SORCS1: variants seen among roughly 807,000 people sequenced by gnomAD.
SORCS1 encodes sortilin related VPS10 domain containing receptor 1.
A neutral mutation model predicts 146.1 loss-of-function variants in SORCS1; 60 were observed. The ratio of observed to expected loss-of-function variants is 0.41; its 90% CI spans 0.33 to 0.51. SORCS1 has a LOEUF of 0.51. Ranked by LOEUF, SORCS1 falls within the 20% of genes least tolerant of loss-of-function variation. SORCS1 has a pLI of 0.21. For synonymous variants in SORCS1, 637 were observed against 584.0 expected, an observed-to-expected ratio of 1.09 and a Z score of -1.31; for missense variants, 1,352 against 1,487.6, an observed-to-expected ratio of 0.91 and a Z score of 1.50.
intron 18 of SORCS1, among the ~76,000 whole-genome samples, chr10:106,643,313 A>C (rs1849193122): frequency 6.6e-6 from 1 of 152,248 alleles, no homozygotes; most frequent in Non-Finnish European, 1.5e-5. Flanking sequence ...TAATCACATT[A>C]TTATCATTGT....
At chr10:106,959,995 T>C (rs1397515541) in intron 1 of SORCS1, among the ~76,000 whole-genome samples, 2 of 152,222 alleles carry the variant, frequency 1.3e-5, no homozygotes, top group Non-Finnish European at 2.9e-5. Flanking sequence ...AAAATGCATA[T>C]GAACATATAT....
chr10:106,949,558 G>C (rs1265597650), intron 2 of SORCS1, among the ~76,000 whole-genome samples: 2 of 152,198 alleles, frequency 1.3e-5, no homozygotes, highest in Non-Finnish European at 2.9e-5. Flanking sequence ...AACTTCTCTT[G>C]ATAATCATGA....
intron 2 of SORCS1, among the ~76,000 whole-genome samples, chr10:106,896,714 T>C (rs982358206): frequency 2.0e-5 from 3 of 151,376 alleles, no homozygotes; most frequent in Non-Finnish European, 4.4e-5. Context: ...CCACTCTCCC[T>C]GGAAACTTTC....
At chr10:106,993,045 T>G (rs908512317) in intron 1 of SORCS1, among the ~76,000 whole-genome samples, 2 of 152,014 alleles carry the variant, frequency 1.3e-5, no homozygotes, top group African/African-American at 4.8e-5. Context: ...TTGGCCAGGA[T>G]GGTCTCTATC....
rs925151415 is a variant in SORCS1 at position 107,141,663 on chromosome 10, G to T, written c.558+22306C>A. 2.6e-5 allele frequency among the ~76,000 whole-genome samples: 4 copies of T among 152,196 alleles called. No homozygotes were observed. The South Asian group carries it at 8.3e-4, about 32-fold the overall frequency. On this transcript the variant is annotated intron_variant, in intron 1 of 25. Transcript: ENST00000263054. Reference sequence around the variant, plus strand: ...GGCAGAGGAATCCCTTGGGTTTCCAGTTAAGGCCCTAATTGGGTCTATTTT... The same window carrying T: ...GGCAGAGGAATCCCTTGGGTTTCCATTTAAGGCCCTAATTGGGTCTATTTT...
chr10:106,947,605 A>G (rs1482820457), intron 2 of SORCS1, among the ~76,000 whole-genome samples: 1 of 152,198 alleles, frequency 6.6e-6, no homozygotes, highest in Non-Finnish European at 1.5e-5. Flanking sequence ...GCACTTTGGG[A>G]GGCCAAGGTG....
chr10:107,107,575 T>G (rs193046607), intron 1 of SORCS1, among the ~76,000 whole-genome samples: 106 of 152,270 alleles, frequency 7.0e-4, no homozygotes, highest in African/African-American at 2.5e-3. Context: ...ATCAGCAAAA[T>G]AGTGGAATAA....
At chr10:107,131,308 C>T (rs796715442) in intron 1 of SORCS1, among the ~76,000 whole-genome samples, 5 of 152,328 alleles carry the variant, frequency 3.3e-5, no homozygotes, top group African/African-American at 9.6e-5. Context: ...TCCTGCTCCT[C>T]CAAGTCTTAC....
At chr10:106,705,046 T>A (rs1854419604) in intron 8 of SORCS1, among the ~76,000 whole-genome samples, 1 of 152,178 alleles carries the variant, frequency 6.6e-6, no homozygotes, top group African/African-American at 2.4e-5. Context: ...AGTGATGTTA[T>A]CCAATTCTCA....
At chr10:106,740,636 C>CA (rs966808990) in intron 5 of SORCS1, among the ~76,000 whole-genome samples, 4 of 152,076 alleles carry the variant, frequency 2.6e-5, no homozygotes, top group African/African-American at 9.7e-5. Context: ...AAAAAAAACC[C>CA]ATTGTTCCCC....
At chr10:107,175,530 C>T in the SORCS1 span, among the ~76,000 whole-genome samples, 1 of 152,242 alleles carries the variant, frequency 6.6e-6, no homozygotes, top group East Asian at 1.9e-4. Flanking sequence ...CTCTGCCTCC[C>T]AGGTTCAAGT....
At chr10:106,971,887 C>A (rs1589823317) in intron 1 of SORCS1, among the ~76,000 whole-genome samples, 1 of 152,104 alleles carries the variant, frequency 6.6e-6, no homozygotes, top group Non-Finnish European at 1.5e-5. Flanking sequence ...TCCTCTGAGA[C>A]TCTCAAAATC....
At chr10:106,869,529 T>G (rs1950332909) in intron 2 of SORCS1, among the ~76,000 whole-genome samples, 1 of 152,224 alleles carries the variant, frequency 6.6e-6, no homozygotes, top group Non-Finnish European at 1.5e-5. Context: ...GATACAAGCT[T>G]GGTTCAACAC....
At chr10:106,670,742 G>C (rs543126312) in intron 16 of SORCS1, among the ~76,000 whole-genome samples, 2 of 148,522 alleles carry the variant, frequency 1.3e-5, no homozygotes, top group South Asian at 4.3e-4. Flanking sequence ...ACGCCATGCT[G>C]GAGTGCAGTG....
intron 24 of SORCS1, among the ~76,000 whole-genome samples, chr10:106,586,064 T>A (rs1418888562): frequency 1.3e-5 from 2 of 152,218 alleles, no homozygotes; most frequent in Non-Finnish European, 2.9e-5. Flanking sequence ...GTTTGTTACA[T>A]AGCAATAGCT....
intron 5 of SORCS1, among the ~76,000 whole-genome samples, chr10:106,735,143 T>A (rs1333048301): frequency 5.5e-5 from 1 of 18,202 alleles, no homozygotes; most frequent in African/African-American, 1.4e-4. Context: ...CGAGACTCCA[T>A]CTCAAAAAAA....
chr10:107,170,313 GTT>G, the SORCS1 span, among the ~76,000 whole-genome samples: 3 of 152,100 alleles, frequency 2.0e-5, no homozygotes, highest in Non-Finnish European at 4.4e-5. Context: ...AATAAACTCA[GTT>G]TATTTTAAAC....
intron 2 of SORCS1, among the ~76,000 whole-genome samples, chr10:106,952,560 T>TATTAC (rs1954737699): frequency 6.8e-6 from 1 of 147,686 alleles, no homozygotes; most frequent in African/African-American, 2.5e-5. Context: ...TATTATATTA[T>TATTAC]ATTATATTAT....
rs201361868 is a variant in SORCS1, at chr10:106,841,105, C to T, written c.627-11432G>A. Among the ~76,000 whole-genome samples the T allele has an allele frequency of 5.9e-5, 9 of 152,016 alleles. No homozygotes were observed. In the East Asian group the frequency reaches 9.8e-4, roughly 16 times the overall value. On this transcript the variant is annotated intron_variant, in intron 2 of 25. Transcript: ENST00000263054. The stretch of plus-strand genomic sequence containing the variant: ...TCCTGACCTCATGATCCGCCTGCCT[C>T]GGCCTCCAAAAGTGTTGGGATTACA...
Sources: gnomAD v4.1 joint callset for allele counts (sites outside exome capture counted in the v4.1 genomes callset) on GRCh38, gnomAD v4.1.1 for gene constraint, MANE v1.5 for transcripts, NCBI Gene and HGNC (gene_info 2026-07-23, HGNC 2026-07-21) for gene names.